The following LRRC28 variants were observed in gnomAD, a reference collection of about 807,000 sequenced individuals.
The protein encoded by LRRC28 is leucine rich repeat containing 28, also known as leucine-rich repeat-containing protein 28.
LRRC28 carries 39 observed loss-of-function variants against 45.7 expected under a neutral mutation model. That is an observed-to-expected ratio of 0.85 (90% CI 0.66 to 1.12). The LOEUF (loss-of-function observed/expected upper bound fraction) is 1.12. Ranked by LOEUF, LRRC28 falls within the 50% of genes most tolerant of loss-of-function variation. The pLI is 0.00. For synonymous variants in LRRC28, 206 were observed against 178.8 expected, an observed-to-expected ratio of 1.15 and a Z score of -1.22; for missense variants, 435 against 438.5, an observed-to-expected ratio of 0.99 and a Z score of 0.07.
intron 9 of LRRC28, among the ~76,000 whole-genome samples, chr15:99,381,689 G>T (rs559169562): frequency 6.6e-6 from 1 of 152,262 alleles, no homozygotes; most frequent in East Asian, 1.9e-4. Context: ...TTTGATGATG[G>T]TGACTTACAG....
chr15:99,343,565 C>G (rs1327283098), intron 6 of LRRC28, among the ~76,000 whole-genome samples: 1 of 152,204 alleles, frequency 6.6e-6, no homozygotes, highest in African/African-American at 2.4e-5. Flanking sequence ...CAATACAGTA[C>G]TTTAAAAAGC....
At chr15:99,336,447 T>C (rs1956324042) in intron 6 of LRRC28, among the ~76,000 whole-genome samples, 1 of 152,200 alleles carries the variant, frequency 6.6e-6, no homozygotes, top group African/African-American at 2.4e-5. Flanking sequence ...GGGCCCTTAT[T>C]TGGGAATAGG....
At chr15:99,360,436 T>A (rs1289274147) in intron 7 of LRRC28, among the ~76,000 whole-genome samples, 1 of 152,152 alleles carries the variant, frequency 6.6e-6, no homozygotes, top group African/African-American at 2.4e-5. Flanking sequence ...TTTTCTTAAT[T>A]TAAGTATCTT....
rs1323498020 is a variant in LRRC28 at position 99,386,658 on chromosome 15, G to A, written c.*556G>A. The A allele has an allele frequency of 6.6e-6, 1 of 152,630 alleles. No individual in the cohort carries two copies. The highest frequency in any genetic ancestry group is 1.5e-5 in the Non-Finnish European group (1 of 68,372). The allele number at this position is 152,630 out of a possible 1,614,324, so 9.5% of individuals were successfully genotyped here. A position where few individuals can be genotyped will look rare whatever the true frequency, so the allele number is the denominator to read the frequency against. On this transcript the variant is annotated 3_prime_UTR_variant, in exon 10 of 10. Coordinates refer to ENST00000301981, the MANE Select transcript of LRRC28 (RefSeq NM_144598.5). Reference sequence around the variant, plus strand: ...AGTGAGGCTCCCATGGAGGCTCAGTGAGGGTCCCAGAGCACACACCCTCTG... The same window carrying A: ...AGTGAGGCTCCCATGGAGGCTCAGTAAGGGTCCCAGAGCACACACCCTCTG...
chr15:99,361,568 T>C, intron 8 of LRRC28, 57 bp downstream of exon 8: 1 of 1,483,534 alleles, frequency 6.7e-7, no homozygotes, highest in South Asian at 1.4e-5. Context: ...ACATTGTGCT[T>C]GGTGCACCTG....
intron 3 of LRRC28, chr15:99,285,088 T>C: frequency 2.9e-6 from 2 of 693,868 alleles, no homozygotes; most frequent in Admixed American, 1.8e-5. Flanking sequence ...ATGGTATTTC[T>C]GAGTGACAGT....
chr15:99,281,132 A>T (rs777401745), intron 3 of LRRC28, among the ~76,000 whole-genome samples: 79 of 151,536 alleles, frequency 5.2e-4, no homozygotes, highest in Non-Finnish European at 9.3e-4. Flanking sequence ...GGCTCAAGGG[A>T]TCCTCCCATC....
chr15:99,308,832 C>G (rs145829417), intron 5 of LRRC28, among the ~76,000 whole-genome samples: 329 of 152,362 alleles, frequency 2.2e-3, no homozygotes, highest in African/African-American at 7.3e-3. Context: ...TTAGCTCGAT[C>G]TGCTTAGGGT....
At chr15:99,306,451 A>G (rs894276298) in intron 5 of LRRC28, among the ~76,000 whole-genome samples, 1 of 152,236 alleles carries the variant, frequency 6.6e-6, no homozygotes, top group Admixed American at 6.5e-5. Flanking sequence ...ACACAAAATG[A>G]TATATTGTTT....
chr15:99,273,787 T>C (rs1169255039), intron 2 of LRRC28, among the ~76,000 whole-genome samples: 1 of 152,164 alleles, frequency 6.6e-6, no homozygotes, highest in Non-Finnish European at 1.5e-5. Context: ...AGAATGACCG[T>C]GGAGTGTGTG....
At chr15:99,289,796 G>A (rs960728852) in intron 5 of LRRC28, among the ~76,000 whole-genome samples, 29 of 150,442 alleles carry the variant, frequency 1.9e-4, no homozygotes, top group Non-Finnish European at 3.2e-4. Context: ...AGCCGGGCGC[G>A]GTGGCGGGCG....
intron 9 of LRRC28, among the ~76,000 whole-genome samples, chr15:99,380,875 GGCTTGTAGAGTTTCTGCTGAGATCC>G (rs1229023105): frequency 6.6e-6 from 1 of 152,172 alleles, no homozygotes; most frequent in Non-Finnish European, 1.5e-5. Flanking sequence ...ACTCTCTTCT[GGCTTGTAGAGTTTCTGCTGAGATCC>G]GCTGTTCGTC....
intron 5 of LRRC28, among the ~76,000 whole-genome samples, chr15:99,291,959 G>C (rs534258671): frequency 1.3e-5 from 2 of 152,182 alleles, no homozygotes; most frequent in South Asian, 4.2e-4. Flanking sequence ...TGTATTTATG[G>C]GCTATTCCAA....
At chr15:99,293,616 A>ACAAAAC (rs2082188392) in intron 5 of LRRC28, among the ~76,000 whole-genome samples, 1 of 143,838 alleles carries the variant, frequency 7.0e-6, no homozygotes, top group South Asian at 2.3e-4. Context: ...AAAAAAAAAA[A>ACAAAAC]AAAAAAAAAA....
intron 3 of LRRC28, among the ~76,000 whole-genome samples, chr15:99,281,919 T>G (rs911891060): frequency 2.0e-5 from 3 of 152,146 alleles, no homozygotes; most frequent in Non-Finnish European, 2.9e-5. Context: ...TTCAGCTGAT[T>G]GATTTTCAGG....
At chr15:99,282,834 C>T (rs1390319034) in intron 3 of LRRC28, among the ~76,000 whole-genome samples, 1 of 152,174 alleles carries the variant, frequency 6.6e-6, no homozygotes, top group Non-Finnish European at 1.5e-5. Flanking sequence ...TTGGGAAAAT[C>T]CCATTTACTC....
intron 2 of LRRC28, among the ~76,000 whole-genome samples, chr15:99,273,016 A>G (rs1481384370): frequency 3.9e-5 from 6 of 152,196 alleles, no homozygotes; most frequent in Admixed American, 1.3e-4. Flanking sequence ...TTCTGACATT[A>G]ATTTCTAGTT....
chr15:99,276,787 GTATT>G (rs1227254508), intron 3 of LRRC28, among the ~76,000 whole-genome samples, 171 bp downstream of exon 3: 1 of 152,134 alleles, frequency 6.6e-6, no homozygotes, highest in African/African-American at 2.4e-5. Flanking sequence ...GTATTTCAAA[GTATT>G]TAACCATTTA....
At chr15:99,299,649 G>C (rs1000123621) in intron 5 of LRRC28, among the ~76,000 whole-genome samples, 9 of 152,100 alleles carry the variant, frequency 5.9e-5, no homozygotes, top group African/African-American at 1.7e-4. Flanking sequence ...TGAGTGAAAA[G>C]CTTTATGATT....
Sources: allele counts gnomAD v4.1 joint callset (sites outside exome capture counted in the v4.1 genomes callset), GRCh38; gene constraint gnomAD v4.1.1; transcripts MANE v1.5; gene names NCBI Gene and HGNC (gene_info 2026-07-23, HGNC 2026-07-21).